NCEH1: variants seen among roughly 807,000 people sequenced by gnomAD.
NCEH1 encodes 2-acetyl MAGE hydrolase.
Under a neutral mutation model 25.4 loss-of-function variants are expected in NCEH1, and 9 were observed. The ratio of observed to expected loss-of-function variants is 0.35; its 90% CI spans 0.21 to 0.62. The LOEUF is 0.62. Among genes scored for constraint, NCEH1 ranks in the 20% least tolerant of loss-of-function variants. The pLI, the probability that NCEH1 is intolerant of heterozygous loss-of-function variation, is 0.72. For synonymous variants in NCEH1, 200 were observed against 199.8 expected, an observed-to-expected ratio of 1.00 and a Z score of -0.01; for missense variants, 412 against 501.1, an observed-to-expected ratio of 0.82 and a Z score of 1.70.
rs756831000 is a variant in NCEH1 at position 172,710,831 on chromosome 3, C to A, written c.138+16G>T. ...TAAGAGGAGGAAGAGAGAAGCAGCG[C>A]TGGGCTGCACCTCACCACTTGCTGT... is the stretch of plus-strand genomic sequence containing the variant. On this transcript the variant is annotated intron_variant, in intron 1 of 4. Transcript: ENST00000475381. 1 of 1,613,626 alleles carries A rather than the reference C, an allele frequency of 6.2e-7. No individual in the cohort carries two copies. The highest frequency in any genetic ancestry group is 8.5e-7 in the Non-Finnish European group (1 of 1,179,826).
intron 1 of NCEH1, among the ~76,000 whole-genome samples, chr3:172,702,070 T>C (rs974931569): frequency 3.3e-5 from 5 of 152,208 alleles, no homozygotes; most frequent in African/African-American, 1.2e-4. Context: ...GTTTCTATTA[T>C]AAGGAAATCT....
chr3:172,659,822 C>A (rs1009697380), intron 1 of NCEH1, among the ~76,000 whole-genome samples: 5 of 152,130 alleles, frequency 3.3e-5, no homozygotes, highest in South Asian at 2.1e-4. Context: ...AAACAGCCAC[C>A]CCCATCTTTC....
chr3:172,666,220 CCTT>C (rs764684999), intron 1 of NCEH1, among the ~76,000 whole-genome samples: 5 of 152,278 alleles, frequency 3.3e-5, no homozygotes, highest in South Asian at 4.1e-4. Context: ...GCAACTCCTG[CCTT>C]CTTCTTCCTG....
chr3:172,638,737 G>A (rs895216690), intron 3 of NCEH1, among the ~76,000 whole-genome samples: 2 of 152,158 alleles, frequency 1.3e-5, no homozygotes, highest in African/African-American at 4.8e-5. Context: ...GCATCCATAT[G>A]TCAAATAAGT....
intron 1 of NCEH1, among the ~76,000 whole-genome samples, chr3:172,663,558 G>A (rs947209539): frequency 1.3e-5 from 2 of 152,104 alleles, no homozygotes; most frequent in African/African-American, 4.8e-5. Flanking sequence ...GTTGACAGTA[G>A]GGTGTTAAAG....
In NCEH1 at chr3:172,701,059, C is replaced by T. The variant is rs374659964; in HGVS notation, c.138+9788G>A. 3.9e-5 allele frequency among the ~76,000 whole-genome samples: 6 copies of T among 152,266 alleles called. No homozygotes were observed. The South Asian group carries it at 1.0e-3, about 26-fold the overall frequency. On this transcript the variant is annotated intron_variant, in intron 1 of 4. Coordinates refer to ENST00000475381, the MANE Select transcript of NCEH1 (RefSeq NM_020792.6). ...CTCCAGATCTTACTGTCACTCCAAA[C>T]ACATTCATTTCAACTACTTCTGCCA... is the stretch of plus-strand genomic sequence containing the variant.
At chr3:172,661,600 A>C (rs1055453853) in intron 1 of NCEH1, among the ~76,000 whole-genome samples, 5 of 152,294 alleles carry the variant, frequency 3.3e-5, no homozygotes, top group South Asian at 2.1e-4. Context: ...CTTCCTATCC[A>C]TGAGCATGGA....
At chr3:172,652,219 A>G (rs1458027578) in intron 1 of NCEH1, among the ~76,000 whole-genome samples, 3 of 152,358 alleles carry the variant, frequency 2.0e-5, no homozygotes, top group East Asian at 1.9e-4. Context: ...AAACAGAATG[A>G]TTCTGTGTGC....
Position 172,688,348 on chromosome 3 carries a change from A to G in NCEH1, c.138+22499T>C, listed in dbSNP as rs180914256. Among the ~76,000 whole-genome samples, 326 of 151,462 alleles carry G rather than the reference A, an allele frequency of 2.2e-3. 7 individuals are homozygous for G. In the East Asian group the frequency reaches 0.045, roughly 21 times the overall value. ...TCCACCTCAAAAAAAAAAAAAAAAA[A>G]AAAAGAAAATGGACATGGAGATTAC... is the stretch of plus-strand genomic sequence containing the variant. On this transcript the variant is annotated intron_variant, in intron 1 of 4. Coordinates refer to ENST00000475381, the MANE Select transcript of NCEH1 (RefSeq NM_020792.6).
Position 172,711,015 on chromosome 3 carries a change from G to C in NCEH1, c.-31C>G. The C allele has an allele frequency of 6.2e-7, 1 of 1,613,834 alleles. No homozygotes were observed. The highest frequency in any genetic ancestry group is 1.7e-5 in the Admixed American group (1 of 60,032). On this transcript the variant is annotated 5_prime_UTR_variant, in exon 1 of 5. Coordinates refer to ENST00000475381, the MANE Select transcript of NCEH1 (RefSeq NM_020792.6). The stretch of plus-strand genomic sequence containing the variant: ...CCTGGCTCGGCTCGCCAGCGGGCTG[G>C]CAAAGAGGAAAGGGCGATACCACCC...
rs386398562 is a variant in NCEH1 at position 172,697,970 on chromosome 3, A to ATTTT, written c.138+12873_138+12876dup. ...AAGCTGATCACTTTCTAAAAGCAGA[A>ATTTT]TTTTTTTTTTTTTTTTTTTTTTTTG... On this transcript the variant is annotated intron_variant, in intron 1 of 4. Coordinates refer to ENST00000475381, the MANE Select transcript of NCEH1 (RefSeq NM_020792.6). 4.7e-3 allele frequency among the ~76,000 whole-genome samples: 475 copies of ATTTT among 101,062 alleles called. 3 individuals carry two copies. Among genetic ancestry groups the ATTTT allele is most frequent in the Non-Finnish European group, 6.5e-3 (341 of 52,814 alleles). The allele number at this position is 101,062 out of a possible 152,430, so 66.3% of individuals were successfully genotyped here.
At chr3:172,634,211 T>C in intron 4 of NCEH1, 119 bp from the exon 5 acceptor site, 1 of 936,672 alleles carries the variant, frequency 1.1e-6, no homozygotes, top group Non-Finnish European at 1.6e-6. Context: ...AGTGTTACAT[T>C]TCTACCAGGC....
chr3:172,640,331 T>C (rs1716792982), intron 3 of NCEH1, among the ~76,000 whole-genome samples: 1 of 152,162 alleles, frequency 6.6e-6, no homozygotes, highest in Non-Finnish European at 1.5e-5. Flanking sequence ...GTATTTTTAG[T>C]AGGGGATATC....
At position 172,643,757 on chromosome 3, in the gene NCEH1, G is replaced by A. The variant is rs115076762; in HGVS notation, c.437+1866C>T. 3.4e-3 allele frequency among the ~76,000 whole-genome samples: 515 copies of A among 152,222 alleles called. 2 individuals carry two copies. The highest frequency in any genetic ancestry group is 0.012 in the African/African-American group (481 of 41,538). Reference sequence around the variant, plus strand: ...CCTGTGGTAAATGGAAAATCTGCACGGTGCCAACTGAAGCAAGCCCAGCTT... The same window carrying A: ...CCTGTGGTAAATGGAAAATCTGCACAGTGCCAACTGAAGCAAGCCCAGCTT... On this transcript the variant is annotated intron_variant, in intron 3 of 4. Coordinates refer to ENST00000475381, the MANE Select transcript of NCEH1 (RefSeq NM_020792.6).
intron 1 of NCEH1, among the ~76,000 whole-genome samples, chr3:172,651,725 C>T (rs947179140): frequency 1.2e-4 from 18 of 151,876 alleles, no homozygotes; most frequent in African/African-American, 4.1e-4. Flanking sequence ...CTCCTGGCTA[C>T]ATTTTGTAGT....
At chr3:172,681,982 T>A (rs1347992275) in intron 1 of NCEH1, among the ~76,000 whole-genome samples, 9 of 151,960 alleles carry the variant, frequency 5.9e-5, no homozygotes, top group Non-Finnish European at 1.0e-4. Flanking sequence ...GATAAACATA[T>A]TCCCACTGCT....
At chr3:172,671,528 CATATAT>C (rs58528838) in intron 1 of NCEH1, among the ~76,000 whole-genome samples, 2 of 137,052 alleles carry the variant, frequency 1.5e-5, no homozygotes, top group Admixed American at 7.5e-5. Flanking sequence ...CACACACACA[CATATAT>C]AGATATATAT....
intron 1 of NCEH1, among the ~76,000 whole-genome samples, chr3:172,656,360 G>A (rs537811695): frequency 1.4e-4 from 22 of 152,272 alleles, no homozygotes; most frequent in African/African-American, 5.3e-4. Context: ...CAGATGGAAG[G>A]GAGAATTCAT....
At chr3:172,694,868 A>G (rs1037996687) in intron 1 of NCEH1, among the ~76,000 whole-genome samples, 2 of 152,164 alleles carry the variant, frequency 1.3e-5, no homozygotes, top group African/African-American at 4.8e-5. Context: ...ATGGATTTCC[A>G]GGGTTTCCAT....
Sources: gnomAD v4.1 joint callset for allele counts (sites outside exome capture counted in the v4.1 genomes callset) on GRCh38, gnomAD v4.1.1 for gene constraint, MANE v1.5 for transcripts, NCBI Gene and HGNC (gene_info 2026-07-23, HGNC 2026-07-21) for gene names.